Variants in TM4SF4 observed in about 807,000 individuals in gnomAD.
TM4SF4 encodes transmembrane 4 L six family member 4.
In TM4SF4, 24 loss-of-function variants were observed where a neutral mutation model predicts 24.1. The ratio of observed to expected loss-of-function variants is 1.00; its 90% CI spans 0.72 to 1.40. The LOEUF (loss-of-function observed/expected upper bound fraction) is 1.40, where lower values mean the gene tolerates loss of function less well. Among genes scored for constraint, TM4SF4 ranks in the 40% most tolerant of loss-of-function variants. The probability of loss-of-function intolerance (pLI) is 0.00; values close to 1 mark genes in which losing one functional copy is unlikely to be tolerated. For synonymous variants in TM4SF4, 113 were observed against 97.0 expected (o/e 1.17, Z -0.97); for missense variants, 254 against 254.2 (o/e 1.00, Z 0.01).
intron 2 of TM4SF4, among the ~76,000 whole-genome samples, chr3:149,480,103 G>A (rs1734007912): frequency 6.6e-6 from 1 of 150,884 alleles, no homozygotes. Context: ...CTAAAGGAGA[G>A]CCGGGAAAAG....
chr3:149,502,419 A>G (rs1280247603), intron 4 of TM4SF4, among the ~76,000 whole-genome samples: 1 of 152,208 alleles, frequency 6.6e-6, no homozygotes, highest in African/African-American at 2.4e-5. Flanking sequence ...AAATAAATAA[A>G]TAAAATGTAA....
At chr3:149,489,965 G>A (rs1485966496) in intron 3 of TM4SF4, among the ~76,000 whole-genome samples, 1 of 151,914 alleles carries the variant, frequency 6.6e-6, no homozygotes, top group Admixed American at 6.6e-5. Context: ...CTGTACAGCT[G>A]CTTCAAACTA....
At chr3:149,489,293 G>A (rs1343243756) in intron 3 of TM4SF4, among the ~76,000 whole-genome samples, 1 of 152,180 alleles carries the variant, frequency 6.6e-6, no homozygotes, top group Non-Finnish European at 1.5e-5. Flanking sequence ...GTGTGTGTGT[G>A]AAGCTACAGA....
At chr3:149,483,686 A>C (rs905024354) in intron 2 of TM4SF4, among the ~76,000 whole-genome samples, 1 of 152,176 alleles carries the variant, frequency 6.6e-6, no homozygotes, top group Non-Finnish European at 1.5e-5. Flanking sequence ...AATAATATAT[A>C]AACTTTCAGT....
At chr3:149,488,839 G>T (rs2107871426) in intron 3 of TM4SF4, among the ~76,000 whole-genome samples, 1 of 152,192 alleles carries the variant, frequency 6.6e-6, no homozygotes, top group East Asian at 1.9e-4. Context: ...TAACTATAGG[G>T]TCTTTCTGCA....
rs754171274 is a variant in TM4SF4 at position 149,487,760 on chromosome 3, G to GGCCACACCCTGCAAT, written c.401+9_401+23dup. Reference sequence around the variant, plus strand: ...GGGCTACCCCTTCCACGACGGGTAAGGCCACACCCTGCAATGCCCACCTGT... The same window carrying GGCCACACCCTGCAAT: ...GGGCTACCCCTTCCACGACGGGTAAGGCCACACCCTGCAATGCCACACCCTGCAATGCCCACCTGT... On this transcript the variant is annotated splice_donor_region_variant and intron_variant, in intron 3 of 4. Coordinates refer to ENST00000305354, the MANE Select transcript of TM4SF4 (RefSeq NM_004617.4). 1 of 1,613,704 alleles carries GGCCACACCCTGCAAT rather than the reference G, an allele frequency of 6.2e-7. No individual in the cohort carries two copies. The highest frequency in any genetic ancestry group is 1.7e-5 in the Admixed American group (1 of 60,020).
At chr3:149,476,191 T>C (rs753739447) in intron 2 of TM4SF4, among the ~76,000 whole-genome samples, 5 of 152,218 alleles carry the variant, frequency 3.3e-5, no homozygotes, top group Non-Finnish European at 7.3e-5. Flanking sequence ...ATATACAGAA[T>C]GCAAGCCTGG....
At chr3:149,477,809 C>T (rs1488086193) in intron 2 of TM4SF4, among the ~76,000 whole-genome samples, 3 of 151,218 alleles carry the variant, frequency 2.0e-5, no homozygotes, top group Admixed American at 6.6e-5. Context: ...ACTTATTTTC[C>T]CCTTGAATTA....
chr3:149,491,295 C>CAAAAAAAAA (rs34935957), intron 3 of TM4SF4, among the ~76,000 whole-genome samples: 4 of 125,668 alleles, frequency 3.2e-5, no homozygotes, highest in Admixed American at 1.9e-4. Context: ...CGCCCCTCTA[C>CAAAAAAAAA]AAAAAAAAAA....
chr3:149,498,076 A>C (rs1446153354), intron 3 of TM4SF4, among the ~76,000 whole-genome samples: 1 of 152,242 alleles, frequency 6.6e-6, no homozygotes, highest in Non-Finnish European at 1.5e-5. Flanking sequence ...AAGAAAATTA[A>C]TTACATCTTT....
chr3:149,495,642 A>G (rs185193470), intron 3 of TM4SF4: 3 of 327,460 alleles, frequency 9.2e-6, no homozygotes, highest in Admixed American at 3.4e-5. Context: ...AGCTGGCTTC[A>G]CTGCTGAAGT....
chr3:149,494,295 T>C (rs11926459), intron 3 of TM4SF4, among the ~76,000 whole-genome samples: 45,793 of 151,976 alleles, frequency 0.3, 8,479 homozygotes, highest in Non-Finnish European at 0.42. Flanking sequence ...GTGGAACTCA[T>C]GATTTCTCCA....
intron 2 of TM4SF4, among the ~76,000 whole-genome samples, chr3:149,479,400 A>G (rs1219993445): frequency 6.9e-6 from 1 of 143,906 alleles, no homozygotes; most frequent in Non-Finnish European, 1.5e-5. Flanking sequence ...GGGGGGTCTC[A>G]CTATGTTGCC....
chr3:149,480,613 G>C (rs1447000598), intron 2 of TM4SF4, among the ~76,000 whole-genome samples: 1 of 152,116 alleles, frequency 6.6e-6, no homozygotes, highest in Non-Finnish European at 1.5e-5. Flanking sequence ...CACCTCCTGA[G>C]TGAGCGTTTC....
chr3:149,479,024 C>A (rs551238047), intron 2 of TM4SF4, among the ~76,000 whole-genome samples: 2 of 152,226 alleles, frequency 1.3e-5, no homozygotes. Flanking sequence ...GCCTTAACCT[C>A]CCAAAGTGCT....
chr3:149,494,252 T>C (rs1056255029), intron 3 of TM4SF4, among the ~76,000 whole-genome samples: 1 of 152,132 alleles, frequency 6.6e-6, no homozygotes, highest in Admixed American at 6.6e-5. Flanking sequence ...TGTGGCTATG[T>C]GGTGGTTTGT....
chr3:149,502,182 A>G (rs1338814939), intron 4 of TM4SF4, among the ~76,000 whole-genome samples: 1 of 152,108 alleles, frequency 6.6e-6, no homozygotes. Flanking sequence ...CAGCTCTCCT[A>G]CTTGTTAGTG....
At chr3:149,475,100 A>G in intron 1 of TM4SF4, 49 bp downstream of exon 1, 2 of 1,557,958 alleles carry the variant, frequency 1.3e-6, no homozygotes, top group Non-Finnish European at 1.7e-6. Context: ...TCCCTTCCCC[A>G]CAATCCTTTT....
At chr3:149,496,174 A>T (rs1190093522) in intron 3 of TM4SF4, among the ~76,000 whole-genome samples, 3 of 148,318 alleles carry the variant, frequency 2.0e-5, no homozygotes, top group East Asian at 4.0e-4. Flanking sequence ...ACCATTTGGG[A>T]TTTTTTTTTT....
Sources: allele counts gnomAD v4.1 joint callset (sites outside exome capture counted in the v4.1 genomes callset), GRCh38; gene constraint gnomAD v4.1.1; transcripts MANE v1.5; gene names NCBI Gene and HGNC (gene_info 2026-07-23, HGNC 2026-07-21).